Variants in PDE3B observed in about 807,000 individuals in gnomAD.
PDE3B encodes cGMP-inhibited 3',5'-cyclic phosphodiesterase 3B.
PDE3B carries 66 observed loss-of-function variants against 116.8 expected under a neutral mutation model. That is an observed-to-expected ratio of 0.56 (90% CI 0.46 to 0.69). The LOEUF is 0.69. PDE3B is among the 30% of genes least tolerant of loss of function. The probability of loss-of-function intolerance (pLI) is 0.00; values close to 1 mark genes in which losing one functional copy is unlikely to be tolerated. For missense variants in PDE3B, 1,384 were observed against 1,368.1 expected, an observed-to-expected ratio of 1.01 and a Z score of -0.18; for synonymous variants, 595 against 533.6, an observed-to-expected ratio of 1.12 and a Z score of -1.59.
intron 1 of PDE3B, among the ~76,000 whole-genome samples, chr11:14,721,255 AT>A (rs1178336131): frequency 1.3e-5 from 2 of 152,226 alleles, no homozygotes; most frequent in South Asian, 2.1e-4. Context: ...AATGGCAATC[AT>A]TAAAAAGTCA....
intron 1 of PDE3B, among the ~76,000 whole-genome samples, chr11:14,645,765 A>G (rs1022631203): frequency 6.6e-6 from 1 of 151,912 alleles, no homozygotes; most frequent in African/African-American, 2.4e-5. Context: ...ATAGGTTTAC[A>G]TATTTTTGTT....
chr11:14,897,292 C>G, the PDE3B span, among the ~76,000 whole-genome samples: 1 of 152,104 alleles, frequency 6.6e-6, no homozygotes, highest in East Asian at 1.9e-4. Context: ...TTTGGGAGCC[C>G]TAATACCCTG....
At chr11:14,670,633 G>A (rs543027267) in intron 1 of PDE3B, among the ~76,000 whole-genome samples, 1 of 152,164 alleles carries the variant, frequency 6.6e-6, no homozygotes, top group African/African-American at 2.4e-5. Context: ...ACATCAAGGG[G>A]ATGTTTTAAA....
chr11:14,647,936 T>C (rs1052230911), intron 1 of PDE3B, among the ~76,000 whole-genome samples: 2 of 151,794 alleles, frequency 1.3e-5, no homozygotes, highest in Non-Finnish European at 2.9e-5. Context: ...GTTTTTTTTT[T>C]TTTTTGGCAA....
At chr11:14,793,997 A>G (rs957824210) in intron 4 of PDE3B, among the ~76,000 whole-genome samples, 3 of 152,238 alleles carry the variant, frequency 2.0e-5, no homozygotes, top group Non-Finnish European at 4.4e-5. Flanking sequence ...ATACAACTGC[A>G]TTGAAACTGA....
At chr11:14,735,397 G>A (rs1856568332) in intron 1 of PDE3B, among the ~76,000 whole-genome samples, 1 of 152,116 alleles carries the variant, frequency 6.6e-6, no homozygotes, top group Non-Finnish European at 1.5e-5. Flanking sequence ...TAGTGAAGAG[G>A]AATACTGAAG....
intron 7 of PDE3B, among the ~76,000 whole-genome samples, chr11:14,820,812 A>G (rs1859495327): frequency 6.6e-6 from 1 of 152,228 alleles, no homozygotes; most frequent in East Asian, 1.9e-4. Context: ...GAACTTGGCC[A>G]GGCTGGCACC....
chr11:14,665,425 A>C (rs1854103964), intron 1 of PDE3B, among the ~76,000 whole-genome samples: 2 of 152,230 alleles, frequency 1.3e-5, no homozygotes, highest in South Asian at 2.1e-4. Flanking sequence ...CAGGGCAATT[A>C]GGCAGGAGAA....
At chr11:14,749,079 G>A (rs1040194577) in intron 1 of PDE3B, among the ~76,000 whole-genome samples, 2 of 151,900 alleles carry the variant, frequency 1.3e-5, no homozygotes, top group African/African-American at 4.8e-5. Flanking sequence ...AGTAGATTCG[G>A]GGTTTTGCCA....
chr11:14,892,188 T>G, the PDE3B span: 1 of 1,610,198 alleles, frequency 6.2e-7, no homozygotes, highest in African/African-American at 1.3e-5. Context: ...CCTCTTCAGC[T>G]CTCCAAAGCT....
At chr11:14,725,309 C>CTT (rs1393019002) in intron 1 of PDE3B, among the ~76,000 whole-genome samples, 46 of 147,384 alleles carry the variant, frequency 3.1e-4, no homozygotes, top group African/African-American at 9.9e-4. Flanking sequence ...TTCTTTCTTT[C>CTT]TCTTTCTTTC....
the PDE3B span, chr11:14,891,576 G>A: frequency 9.7e-7 from 1 of 1,033,574 alleles, no homozygotes; most frequent in Non-Finnish European, 1.2e-6. Context: ...TTTCCGACAA[G>A]CCGCGTGCAG....
rs572770742 is a variant in PDE3B at position 14,726,998 on chromosome 11, C to T, written c.979-44939C>T. ...CATCTTGATTATCTCCCCTTGAGGTCTAGCTGTCATCAGTTAACTGGAGGA... is the reference window on the plus strand; with the variant it reads ...CATCTTGATTATCTCCCCTTGAGGTTTAGCTGTCATCAGTTAACTGGAGGA... On this transcript the variant is annotated intron_variant, in intron 1 of 15. Coordinates refer to ENST00000282096, the MANE Select transcript of PDE3B (RefSeq NM_000922.4). Among the ~76,000 whole-genome samples, 496 of 152,272 alleles carry T rather than the reference C, an allele frequency of 3.3e-3. 5 individuals carry two copies. The highest frequency in any genetic ancestry group is 0.029 in the South Asian group (138 of 4,830).
intron 2 of PDE3B, 22 bp from the exon 3 acceptor site, chr11:14,786,415 A>G (rs569326151): frequency 6.3e-7 from 1 of 1,596,846 alleles, no homozygotes; most frequent in African/African-American, 1.3e-5. Context: ...ATGAATGAAA[A>G]TTTCACTTTT....
At chr11:14,888,304 A>G in the PDE3B span, among the ~76,000 whole-genome samples, 1 of 152,230 alleles carries the variant, frequency 6.6e-6, no homozygotes, top group Non-Finnish European at 1.5e-5. Flanking sequence ...TCTAGCACCT[A>G]GGACAGTGCA....
At chr11:14,772,049 C>A in intron 2 of PDE3B, 62 bp downstream of exon 2, 1 of 736,514 alleles carries the variant, frequency 1.4e-6, no homozygotes, top group Non-Finnish European at 2.3e-6. Flanking sequence ...TAAATAATAT[C>A]TGTGATGCAA....
chr11:14,778,395 C>G (rs1347836566), intron 2 of PDE3B, among the ~76,000 whole-genome samples: 2 of 152,232 alleles, frequency 1.3e-5, no homozygotes, highest in Admixed American at 1.3e-4. Context: ...CCCCGAGTAG[C>G]CTAACTGGGA....
In PDE3B at chr11:14,869,527, A is replaced by G. The variant is rs1555008673; in HGVS notation, c.3206A>G (p.His1069Arg). The change falls in exon 16 of 16, where the codon CAC becomes CGC. Residue 1069 changes from histidine (H) to arginine (R), a missense_variant. By Grantham distance (29) the His-to-Arg change is conservative. Around this residue, in one of 2 missense-constraint regions of PDE3B, gnomAD observed 428 missense variants for 561.4 expected, o/e 0.76. Transcript: ENST00000282096. The part of the protein sequence containing the change: ...CQLMHHLTEN[H>R]KIWKEIVEEE... ...CTAATGCACCACCTCACTGAAAACC[A>G]CAAGATATGGAAGGAAATCGTAGAG... 1 of 1,614,008 alleles carries G rather than the reference A, an allele frequency of 6.2e-7. No homozygotes were observed.
At chr11:14,701,432 G>C (rs1855359137) in intron 1 of PDE3B, among the ~76,000 whole-genome samples, 1 of 151,464 alleles carries the variant, frequency 6.6e-6, no homozygotes, top group African/African-American at 2.4e-5. Context: ...TTTCCTTCAA[G>C]TAATATATGC....
Sources: allele counts gnomAD v4.1 joint callset (sites outside exome capture counted in the v4.1 genomes callset), GRCh38; gene constraint gnomAD v4.1.1; regional missense constraint gnomAD v4.1.1; transcripts MANE v1.5; gene names NCBI Gene and HGNC (gene_info 2026-07-23, HGNC 2026-07-21).